The following MEGF6 variants were observed in gnomAD, a reference collection of about 807,000 sequenced individuals.
MEGF6 encodes the protein multiple epidermal growth factor-like domains protein 6.
MEGF6 carries 184 observed loss-of-function variants against 207.1 expected under a neutral mutation model. The observed-to-expected ratio is 0.89, with a 90% CI of 0.79 to 1.00. The LOEUF (loss-of-function observed/expected upper bound fraction) is 1.00. Ranked by LOEUF, MEGF6 falls within the 50% of genes least tolerant of loss-of-function variation. MEGF6 has a pLI of 0.00. For missense variants in MEGF6, 2,282 were observed against 2,202.9 expected, an observed-to-expected ratio of 1.04 and a Z score of -0.72; for synonymous variants, 1,038 against 910.0, an observed-to-expected ratio of 1.14 and a Z score of -2.53.
chr1:3,501,373 T>G (rs974446593), intron 18 of MEGF6, 65 bp from the exon 19 acceptor site: 9 of 1,523,896 alleles, frequency 5.9e-6, no homozygotes, highest in Non-Finnish European at 8.0e-6. Context: ...CAACATAACA[T>G]GGCACGATGC....
chr1:3,533,418 C>G (rs1642235009), intron 4 of MEGF6, among the ~76,000 whole-genome samples: 1 of 152,256 alleles, frequency 6.6e-6, no homozygotes, highest in South Asian at 2.1e-4. Flanking sequence ...TGTTTGAAGG[C>G]ACCTTCCACG....
At position 3,515,401 on chromosome 1, in the gene MEGF6, C is replaced by G. The variant is rs777038081; in HGVS notation, c.730+1G>C. 1 of 1,610,480 alleles carries G rather than the reference C, an allele frequency of 6.2e-7. No homozygotes were observed. The highest frequency in any genetic ancestry group is 8.5e-7 in the Non-Finnish European group (1 of 1,178,996). ...CTCCCTCCCAGGCTGGCAGCACTCA[C>G]GGACACAATGCCTGCCGTCCTCCTG... On this transcript the variant is annotated splice_donor_variant, in intron 6 of 36. Transcript: ENST00000356575. LOFTEE classifies it high-confidence loss of function.
rs751283658 is a variant in MEGF6, at chr1:3,493,977, G to A, written c.4258+19C>T. 137 of 1,590,608 alleles carry A rather than the reference G, an allele frequency of 8.6e-5. No homozygotes were observed. Among genetic ancestry groups the A allele is most frequent in the Non-Finnish European group, 1.1e-4 (125 of 1,169,702 alleles). On this transcript the variant is annotated intron_variant, in intron 33 of 36. Coordinates refer to ENST00000356575, the MANE Select transcript of MEGF6 (RefSeq NM_001409.4). The stretch of plus-strand genomic sequence containing the variant: ...ACGGGGCCAGGGAGCGGGGGTTCAG[G>A]GAGGCACCAAGCACTCACCCCTCTC...
chr1:3,507,986 C>T (rs1641178876), intron 13 of MEGF6, 63 bp from the exon 14 acceptor site: 2 of 1,566,316 alleles, frequency 1.3e-6, no homozygotes, highest in African/African-American at 2.7e-5. Context: ...AGACCCCTTC[C>T]TAGGGTTGGA....
intron 1 of MEGF6, among the ~76,000 whole-genome samples, chr1:3,610,364 C>A (rs750163185): frequency 2.6e-5 from 4 of 152,192 alleles, no homozygotes; most frequent in African/African-American, 4.8e-5. Flanking sequence ...CCTCTGTGGC[C>A]CCTGGACGGG....
chr1:3,586,137 C>T (rs562989654), intron 3 of MEGF6, among the ~76,000 whole-genome samples: 4 of 142,632 alleles, frequency 2.8e-5, no homozygotes, highest in East Asian at 4.2e-4. Context: ...GGGTGTGACA[C>T]ATGTCCTGTG....
At chr1:3,537,418 G>A (rs1032102117) in intron 4 of MEGF6, among the ~76,000 whole-genome samples, 5 of 152,270 alleles carry the variant, frequency 3.3e-5, no homozygotes, top group Non-Finnish European at 5.9e-5. Context: ...CCATGTTGCA[G>A]GGAGAAGGTT....
In MEGF6 at chr1:3,551,006, G is replaced by A. The variant is rs187633941; in HGVS notation, c.482-26760C>T. On this transcript the variant is annotated intron_variant, in intron 4 of 36. Transcript: ENST00000356575. ...AGCTGCCTGTGTGCCTTGGGGCCTC[G>A]GAGTGTGAGGCAGGTGAGGAAGAAG... Among the ~76,000 whole-genome samples the A allele has an allele frequency of 3.4e-3, 520 of 152,358 alleles. 1 individual carries two copies. Among genetic ancestry groups the A allele is most frequent in the South Asian group, 7.0e-3 (34 of 4,832 alleles).
chr1:3,612,730 G>C (rs547021868), upstream of MEGF6, among the ~76,000 whole-genome samples: 1 of 143,742 alleles, frequency 7.0e-6, no homozygotes, highest in African/African-American at 2.6e-5. Context: ...GGGAGCACTG[G>C]AGGGAGCCCT....
At chr1:3,592,415 C>T (rs1229551957) in intron 3 of MEGF6, among the ~76,000 whole-genome samples, 1 of 152,132 alleles carries the variant, frequency 6.6e-6, no homozygotes, top group Non-Finnish European at 1.5e-5. Flanking sequence ...CTCCAGGCCC[C>T]CAATGGCCCT....
intron 5 of MEGF6, among the ~76,000 whole-genome samples, chr1:3,517,061 G>A (rs900040759): frequency 6.6e-6 from 1 of 152,258 alleles, no homozygotes; most frequent in African/African-American, 2.4e-5. Context: ...TGGCTCCAGG[G>A]GCCTCTGAGC....
chr1:3,551,763 T>A (rs1036200977), intron 4 of MEGF6, among the ~76,000 whole-genome samples: 3 of 151,900 alleles, frequency 2.0e-5, no homozygotes, highest in African/African-American at 7.3e-5. Context: ...GATGGGGGCA[T>A]CCAGAAACCA....
chr1:3,549,637 C>A (rs1047937831), intron 4 of MEGF6, among the ~76,000 whole-genome samples: 1 of 152,164 alleles, frequency 6.6e-6, no homozygotes, highest in Non-Finnish European at 1.5e-5. Flanking sequence ...ATATCCAGGG[C>A]GACTTGGCCC....
intron 4 of MEGF6, among the ~76,000 whole-genome samples, chr1:3,558,712 G>A (rs907491497): frequency 8.5e-5 from 13 of 152,180 alleles, no homozygotes; most frequent in African/African-American, 1.2e-4. Flanking sequence ...TCTTGCGATC[G>A]TGATGGATGC....
intron 5 of MEGF6, among the ~76,000 whole-genome samples, chr1:3,523,751 C>T (rs1482381898): frequency 6.6e-6 from 1 of 152,240 alleles, no homozygotes; most frequent in African/African-American, 2.4e-5. Flanking sequence ...ACAACCAGGC[C>T]AGGTCCCTGC....
chr1:3,582,292 T>C (rs1440884928), intron 3 of MEGF6, among the ~76,000 whole-genome samples: 1 of 152,206 alleles, frequency 6.6e-6, no homozygotes, highest in Non-Finnish European at 1.5e-5. Flanking sequence ...GTCACTGGGA[T>C]GCGCACACAG....
the MEGF6 span, among the ~76,000 whole-genome samples, chr1:3,621,516 T>C: frequency 2.6e-5 from 4 of 152,384 alleles, no homozygotes; most frequent in Admixed American, 2.0e-4. Context: ...TGATTAATGA[T>C]ATTTACATAT....
At chr1:3,566,234 T>C (rs1391254490) in intron 4 of MEGF6, among the ~76,000 whole-genome samples, 1 of 152,168 alleles carries the variant, frequency 6.6e-6, no homozygotes, top group East Asian at 1.9e-4. Flanking sequence ...TGCTCTGGAA[T>C]GCCTGGGGCA....
chr1:3,579,682 G>A (rs1045806479), intron 4 of MEGF6, 143 bp downstream of exon 4: 51 of 542,826 alleles, frequency 9.4e-5, no homozygotes, highest in East Asian at 8.8e-4. Flanking sequence ...GAGGGATTGC[G>A]GAATGTCCTC....
Sources: gnomAD v4.1 joint callset for allele counts (sites outside exome capture counted in the v4.1 genomes callset) on GRCh38, gnomAD v4.1.1 for gene constraint, MANE v1.5 for transcripts, NCBI Gene and HGNC (gene_info 2026-07-23, HGNC 2026-07-21) for gene names.